PLXDC2: variants seen among roughly 807,000 people sequenced by gnomAD.
The protein encoded by PLXDC2 is plexin domain-containing protein 2.
Under a neutral mutation model 68.9 loss-of-function variants are expected in PLXDC2, and 40 were observed. The observed-to-expected ratio is 0.58, with a 90% CI of 0.45 to 0.76. The LOEUF (loss-of-function observed/expected upper bound fraction) is 0.76. Ranked by LOEUF, PLXDC2 falls within the 30% of genes least tolerant of loss-of-function variation. PLXDC2 has a pLI of 0.00. For synonymous variants in PLXDC2, 243 were observed against 234.2 expected, an observed-to-expected ratio of 1.04 and a Z score of -0.34; for missense variants, 644 against 661.9, an observed-to-expected ratio of 0.97 and a Z score of 0.30.
intron 1 of PLXDC2, among the ~76,000 whole-genome samples, chr10:19,829,152 CTCTTTT>C (rs1836633278): frequency 9.1e-6 from 1 of 110,046 alleles, no homozygotes; most frequent in Non-Finnish European, 1.8e-5. Context: ...GCACGCTTTC[CTCTTTT>C]TTTTTTTTTT....
intron 9 of PLXDC2, among the ~76,000 whole-genome samples, chr10:20,178,145 A>C (rs549792393): frequency 1.8e-4 from 27 of 152,306 alleles, no homozygotes; most frequent in Admixed American, 1.6e-3. Context: ...AAAGGTTATT[A>C]GTCAAGATTG....
At chr10:19,933,361 C>T (rs549522633) in intron 1 of PLXDC2, among the ~76,000 whole-genome samples, 1 of 152,238 alleles carries the variant, frequency 6.6e-6, no homozygotes, top group South Asian at 2.1e-4. Flanking sequence ...CACATATACA[C>T]ATGGTGGCTC....
chr10:20,278,761 C>T (rs1588558589), intron 13 of PLXDC2, among the ~76,000 whole-genome samples: 1 of 152,070 alleles, frequency 6.6e-6, no homozygotes. Flanking sequence ...TGACATATAA[C>T]CTGTTTTACA....
At chr10:20,229,122 G>A (rs1048293590) in intron 12 of PLXDC2, among the ~76,000 whole-genome samples, 4 of 152,134 alleles carry the variant, frequency 2.6e-5, no homozygotes, top group African/African-American at 9.7e-5. Context: ...AGAAGAAAAA[G>A]AGTCAAAAGA....
intron 4 of PLXDC2, among the ~76,000 whole-genome samples, chr10:20,072,937 A>G (rs1836362009): frequency 6.6e-6 from 1 of 152,208 alleles, no homozygotes. Context: ...AGATAGTCCT[A>G]TTTGACAGAT....
intron 1 of PLXDC2, among the ~76,000 whole-genome samples, chr10:19,915,268 T>C (rs554641926): frequency 6.6e-6 from 1 of 152,298 alleles, no homozygotes; most frequent in South Asian, 2.1e-4. Flanking sequence ...CTACCTATAG[T>C]GTTTCTGAGA....
chr10:19,943,411 T>A (rs1833850575), intron 1 of PLXDC2, among the ~76,000 whole-genome samples: 1 of 152,248 alleles, frequency 6.6e-6, no homozygotes, highest in African/African-American at 2.4e-5. Flanking sequence ...TTTTATGTCT[T>A]CACTATATTT....
intron 1 of PLXDC2, among the ~76,000 whole-genome samples, chr10:19,831,245 C>A (rs1234782736): frequency 2.0e-5 from 3 of 151,636 alleles, no homozygotes; most frequent in African/African-American, 7.3e-5. Context: ...TTTTTTTATC[C>A]CATTCTGATA....
At chr10:20,150,980 A>G (rs1263390360) in intron 6 of PLXDC2, among the ~76,000 whole-genome samples, 1 of 152,194 alleles carries the variant, frequency 6.6e-6, no homozygotes, top group Non-Finnish European at 1.5e-5. Context: ...TCTTGTCCTG[A>G]AGAATGTCTT....
chr10:19,912,552 C>G (rs551329322), intron 1 of PLXDC2, among the ~76,000 whole-genome samples: 10 of 152,114 alleles, frequency 6.6e-5, no homozygotes, highest in Admixed American at 2.0e-4. Flanking sequence ...TTTATCGGTC[C>G]TGGACAACAG....
At chr10:20,059,447 C>A (rs1268493131) in intron 3 of PLXDC2, among the ~76,000 whole-genome samples, 1 of 152,182 alleles carries the variant, frequency 6.6e-6, no homozygotes, top group Non-Finnish European at 1.5e-5. Context: ...TGTGCACCAC[C>A]ATCAGCTAAT....
intron 1 of PLXDC2, among the ~76,000 whole-genome samples, chr10:19,869,468 AGGGGG>A (rs555686208): frequency 2.2e-5 from 1 of 44,598 alleles, no homozygotes; most frequent in Non-Finnish European, 3.7e-5. Flanking sequence ...AGAGAGAGAA[AGGGGG>A]GGGGGGGAGA....
intron 1 of PLXDC2, among the ~76,000 whole-genome samples, chr10:19,916,304 C>T (rs113394789): frequency 0.019 from 2,243 of 117,594 alleles, 45 homozygotes; most frequent in Non-Finnish European, 0.03. Flanking sequence ...CCTCACCACG[C>T]CTGGCTCATT....
At chr10:20,164,612 G>A (rs762992105) in intron 7 of PLXDC2, 45 bp downstream of exon 7, 2 of 1,467,860 alleles carry the variant, frequency 1.4e-6, no homozygotes, top group African/African-American at 2.8e-5. Flanking sequence ...CTCTGTGGGG[G>A]TAAATTTAAA....
chr10:20,050,744 G>A (rs188314282), intron 3 of PLXDC2, among the ~76,000 whole-genome samples: 3 of 152,070 alleles, frequency 2.0e-5, no homozygotes, highest in Non-Finnish European at 2.9e-5. Flanking sequence ...ACAGATGCTG[G>A]TGAGGCTGCA....
At chr10:20,261,968 C>T (rs1041336823) in intron 13 of PLXDC2, among the ~76,000 whole-genome samples, 27 of 152,332 alleles carry the variant, frequency 1.8e-4, no homozygotes, top group African/African-American at 6.5e-4. Flanking sequence ...CAACTAGAAG[C>T]AGCCAGTGTG....
intron 10 of PLXDC2, among the ~76,000 whole-genome samples, chr10:20,213,358 T>C (rs184980013): frequency 5.9e-5 from 9 of 152,198 alleles, no homozygotes; most frequent in African/African-American, 1.7e-4. Flanking sequence ...GTTTTATGTA[T>C]ATTTTCTGGG....
intron 6 of PLXDC2, among the ~76,000 whole-genome samples, chr10:20,160,817 A>G (rs1834281095): frequency 6.6e-6 from 1 of 152,180 alleles, no homozygotes; most frequent in South Asian, 2.1e-4. Flanking sequence ...GTTTAATTAT[A>G]CCTAGAATTA....
chr10:19,907,744 G>T (rs1280556973), intron 1 of PLXDC2, among the ~76,000 whole-genome samples: 1 of 152,158 alleles, frequency 6.6e-6, no homozygotes. Context: ...TTAAAAGATT[G>T]TGGAAACCTG....
Sources: gnomAD v4.1 joint callset for allele counts (sites outside exome capture counted in the v4.1 genomes callset) on GRCh38, gnomAD v4.1.1 for gene constraint, MANE v1.5 for transcripts, NCBI Gene and HGNC (gene_info 2026-07-23, HGNC 2026-07-21) for gene names.